GPC5: variants seen among roughly 807,000 people sequenced by gnomAD.
GPC5 encodes the protein glypican 5.
A neutral mutation model predicts 53.9 loss-of-function variants in GPC5; 47 were observed. The observed-to-expected ratio is 0.87, with a 90% CI of 0.69 to 1.11. GPC5 has a LOEUF of 1.11. Among genes scored for constraint, GPC5 ranks in the 50% most tolerant of loss-of-function variants. GPC5 has a pLI of 0.00. For missense variants in GPC5, 748 were observed against 713.1 expected (o/e 1.05, Z -0.56); for synonymous variants, 286 against 263.3 (o/e 1.09, Z -0.84).
chr13:92,177,190 C>T (rs772678226), intron 7 of GPC5, among the ~76,000 whole-genome samples: 5 of 152,168 alleles, frequency 3.3e-5, no homozygotes, highest in South Asian at 2.1e-4. Flanking sequence ...GGCTTTTACA[C>T]GGCATCTCAA....
rs560122263 is a variant in GPC5 at position 91,744,305 on chromosome 13, A to C, written c.1155-11990A>C. 3.3e-5 allele frequency among the ~76,000 whole-genome samples: 5 copies of C among 152,268 alleles called. No homozygotes were observed. The South Asian group carries it at 1.0e-3, about 32-fold the overall frequency. On this transcript the variant is annotated intron_variant, in intron 4 of 7. Coordinates refer to ENST00000377067, the MANE Select transcript of GPC5 (RefSeq NM_004466.6). ...CATCAGAAAAACTGGGAATAAAAGG[A>C]TACCTAGGTGACATGTAACATTCCA...
intron 6 of GPC5, among the ~76,000 whole-genome samples, chr13:92,024,727 C>A (rs2040786903): frequency 1.3e-5 from 2 of 152,084 alleles, no homozygotes; most frequent in Non-Finnish European, 2.9e-5. Flanking sequence ...AATGACCAAA[C>A]ACATACTTAT....
intron 6 of GPC5, among the ~76,000 whole-genome samples, chr13:91,912,271 A>T (rs926347948): frequency 6.6e-6 from 1 of 152,094 alleles, no homozygotes; most frequent in Non-Finnish European, 1.5e-5. Context: ...AAGAATAATG[A>T]CTCAGGAGAC....
intron 7 of GPC5, among the ~76,000 whole-genome samples, chr13:92,768,790 A>G (rs1875506750): frequency 6.6e-6 from 1 of 151,132 alleles, no homozygotes; most frequent in Non-Finnish European, 1.5e-5. Context: ...CTTATGATCT[A>G]ATATGCCTGC....
chr13:91,804,462 T>C (rs1350237418), intron 5 of GPC5, among the ~76,000 whole-genome samples: 5 of 152,248 alleles, frequency 3.3e-5, no homozygotes, highest in Non-Finnish European at 1.5e-5. Context: ...CAGCTTGCTA[T>C]CATAACACAT....
chr13:91,674,970 T>A (rs574154344), intron 2 of GPC5, among the ~76,000 whole-genome samples: 4 of 151,568 alleles, frequency 2.6e-5, no homozygotes, highest in Non-Finnish European at 5.9e-5. Context: ...CTTATTTCCC[T>A]TTTTTTTCTC....
At chr13:91,818,116 CA>C (rs1476943019) in intron 5 of GPC5, among the ~76,000 whole-genome samples, 1 of 152,158 alleles carries the variant, frequency 6.6e-6, no homozygotes, top group Admixed American at 6.5e-5. Context: ...ATCTGGGGAA[CA>C]GCATTACCTA....
intron 3 of GPC5, among the ~76,000 whole-genome samples, chr13:91,696,953 G>A (rs965514862): frequency 1.3e-5 from 2 of 152,108 alleles, no homozygotes. Context: ...CTGAGTTTAC[G>A]CATTTGCTTA....
intron 2 of GPC5, among the ~76,000 whole-genome samples, chr13:91,475,359 G>T (rs1882867971): frequency 6.6e-6 from 1 of 152,182 alleles, no homozygotes; most frequent in African/African-American, 2.4e-5. Context: ...CTCTATGAGA[G>T]ATTTGATTCT....
intron 2 of GPC5, among the ~76,000 whole-genome samples, chr13:91,679,961 G>A (rs1432194544): frequency 6.6e-6 from 1 of 151,206 alleles, no homozygotes; most frequent in Non-Finnish European, 1.5e-5. Context: ...CAAAGTGATT[G>A]ACAGGCAAGC....
At chr13:92,796,488 C>T (rs1337359483) in intron 7 of GPC5, among the ~76,000 whole-genome samples, 1 of 151,892 alleles carries the variant, frequency 6.6e-6, no homozygotes, top group Non-Finnish European at 1.5e-5. Flanking sequence ...CACAAGTATC[C>T]TAAAACTTAA....
chr13:92,252,576 T>C (rs2042699933), intron 7 of GPC5, among the ~76,000 whole-genome samples: 1 of 152,094 alleles, frequency 6.6e-6, no homozygotes, highest in African/African-American at 2.4e-5. Flanking sequence ...TCTATAGATA[T>C]GTATTTACAT....
intron 7 of GPC5, among the ~76,000 whole-genome samples, chr13:92,414,968 C>T (rs1876221129): frequency 6.6e-6 from 1 of 152,128 alleles, no homozygotes; most frequent in Admixed American, 6.5e-5. Flanking sequence ...GACATTCAGA[C>T]CATAGCAAGG....
In GPC5 at chr13:92,195,685, G is replaced by A. The variant is rs146153697; in HGVS notation, c.1561+50696G>A. On this transcript the variant is annotated intron_variant, in intron 7 of 7. Coordinates refer to ENST00000377067, the MANE Select transcript of GPC5 (RefSeq NM_004466.6). ...AGATGACAGGGCACATGGCAAACAC[G>A]AAATATCTGGCAAGGTCAGTTTTGA... 1.8e-4 allele frequency among the ~76,000 whole-genome samples: 28 copies of A among 152,280 alleles called. No individual in the cohort carries two copies. In the East Asian group the frequency reaches 5.0e-3, roughly 27 times the overall value.
At chr13:92,657,591 T>TG in intron 7 of GPC5, among the ~76,000 whole-genome samples, 1 of 148,750 alleles carries the variant, frequency 6.7e-6, no homozygotes, top group South Asian at 2.1e-4. Context: ...TTTTTTTTTT[T>TG]TTTTTTTTTT....
chr13:91,919,582 T>C (rs1032078509), intron 6 of GPC5, among the ~76,000 whole-genome samples: 86 of 152,298 alleles, frequency 5.6e-4, no homozygotes, highest in African/African-American at 1.9e-3. Flanking sequence ...TTCACAGAAG[T>C]TTACTTATAA....
At chr13:92,081,677 G>A (rs1312899399) in intron 6 of GPC5, among the ~76,000 whole-genome samples, 3 of 152,034 alleles carry the variant, frequency 2.0e-5, no homozygotes, top group South Asian at 2.1e-4. Flanking sequence ...ACAGAATATC[G>A]ATATTTTATA....
intron 7 of GPC5, among the ~76,000 whole-genome samples, chr13:92,171,668 T>G (rs1356836749): frequency 1.3e-5 from 2 of 152,232 alleles, no homozygotes; most frequent in Non-Finnish European, 2.9e-5. Flanking sequence ...CCCTTTCATT[T>G]AGTTATTCAT....
intron 2 of GPC5, among the ~76,000 whole-genome samples, chr13:91,665,171 T>C (rs562020777): frequency 6.6e-6 from 1 of 152,374 alleles, no homozygotes; most frequent in South Asian, 2.1e-4. Flanking sequence ...ACATTTGGGA[T>C]GAATTAAGTT....
Sources: gnomAD v4.1 joint callset for allele counts (sites outside exome capture counted in the v4.1 genomes callset) on GRCh38, gnomAD v4.1.1 for gene constraint, MANE v1.5 for transcripts, NCBI Gene and HGNC (gene_info 2026-07-23, HGNC 2026-07-21) for gene names.